ETNK2: variants seen among roughly 807,000 people sequenced by gnomAD.
ETNK2 encodes ethanolamine kinase 2.
ETNK2 carries 33 observed loss-of-function variants against 46.2 expected under a neutral mutation model. That is an observed-to-expected ratio of 0.71 (90% CI 0.54 to 0.96). ETNK2 has a LOEUF of 0.96. Ranked by LOEUF, ETNK2 falls within the 40% of genes least tolerant of loss-of-function variation. ETNK2 has a pLI of 0.00. For synonymous variants in ETNK2, 194 were observed against 209.0 expected (o/e 0.93, Z 0.62); for missense variants, 445 against 509.7 (o/e 0.87, Z 1.22).
intron 7 of ETNK2, 66 bp from the exon 8 acceptor site, chr1:204,132,322 T>G: frequency 7.6e-7 from 1 of 1,315,450 alleles, no homozygotes; most frequent in Non-Finnish European, 1.1e-6. Context: ...CTGGGGGTGC[T>G]GACATCATGA....
chr1:204,134,797 G>A (rs1199404462), intron 6 of ETNK2: 10 of 1,157,278 alleles, frequency 8.6e-6, no homozygotes, highest in Admixed American at 2.3e-5. Context: ...AGAGAAAGGT[G>A]GGCAGAGCTA....
In ETNK2 at chr1:204,132,036, T is replaced by A. The variant is rs1433507350; in HGVS notation, c.*148A>T. On this transcript the variant is annotated 3_prime_UTR_variant, in exon 8 of 8. Transcript: ENST00000367202. The stretch of plus-strand genomic sequence containing the variant: ...AGGTCTTCAGTGGCAACCACTGGGG[T>A]CTGGCGGCAGGGACAGAGCCTTCTC... The A allele has an allele frequency of 4.3e-6, 3 of 690,796 alleles. No homozygotes were observed. The highest frequency in any genetic ancestry group is 1.8e-5 in the African/African-American group (1 of 56,582). 42.8% of individuals were successfully genotyped at this position (690,796 alleles called of 1,614,324 possible). A position where few individuals can be genotyped will look rare whatever the true frequency, so the allele number is the denominator to read the frequency against.
In ETNK2 at chr1:204,149,850, C is replaced by G. The variant is rs201400955; in HGVS notation, c.371G>C (p.Arg124Pro). The change falls in exon 2 of 8, where the codon CGG becomes CCG. Residue 124 changes from arginine (R) to proline (P), a missense_variant. By Grantham distance (103) the Arg-to-Pro change is moderately radical. Coordinates refer to ENST00000367202, the MANE Select transcript of ETNK2 (RefSeq NM_018208.4). ...YGERTELLVD[R>P]ENEVRNFQLL... The stretch of plus-strand genomic sequence containing the variant: ...CTGGAAGTTTCTGACCTCATTCTCC[C>G]GGTCCACCAGCAGCTCCGTCCGCTC... The G allele has an allele frequency of 3.7e-6, 6 of 1,602,522 alleles. No homozygotes were observed. The highest frequency in any genetic ancestry group is 4.3e-6 in the Non-Finnish European group (5 of 1,174,808).
At chr1:204,133,618 G>A (rs1043244451) in intron 7 of ETNK2, among the ~76,000 whole-genome samples, 2 of 150,408 alleles carry the variant, frequency 1.3e-5, no homozygotes, top group Non-Finnish European at 3.0e-5. Flanking sequence ...TGCAAGCTCC[G>A]CCTCCCGGGT....
At chr1:204,145,043 G>A (rs958152775) in intron 3 of ETNK2, among the ~76,000 whole-genome samples, 10 of 152,194 alleles carry the variant, frequency 6.6e-5, no homozygotes, top group African/African-American at 1.9e-4. Flanking sequence ...GTGAAATGAA[G>A]GATTGAATAA....
chr1:204,134,805 C>A, intron 6 of ETNK2: 1 of 1,066,580 alleles, frequency 9.4e-7, no homozygotes, highest in East Asian at 2.4e-5. Flanking sequence ...GTGGGCAGAG[C>A]TAGTTCTACC....
At position 204,132,260 on chromosome 1, in the gene ETNK2, T is replaced by C. The variant is rs368358737; in HGVS notation, c.1089-4A>G. The C allele has an allele frequency of 5.0e-5, 79 of 1,565,936 alleles. No homozygotes were observed. The African/African-American group carries it at 8.8e-4, about 17-fold the overall frequency. The stretch of plus-strand genomic sequence containing the variant: ...GTTGAATCGGATCACTGCGTACCTG[T>C]GGGGAAGACAGAAGGAAGCTGGGTG... On this transcript the variant is annotated splice_region_variant and splice_polypyrimidine_tract_variant and intron_variant, in intron 7 of 7. Coordinates refer to ENST00000367202, the MANE Select transcript of ETNK2 (RefSeq NM_018208.4).
intron 3 of ETNK2, among the ~76,000 whole-genome samples, chr1:204,145,093 A>C (rs1303678202): frequency 6.6e-6 from 1 of 152,212 alleles, no homozygotes; most frequent in Non-Finnish European, 1.5e-5. Context: ...CCAGGTGCTT[A>C]TCTCGTCTAA....
At chr1:204,132,607 A>G (rs1328970304) in intron 7 of ETNK2, among the ~76,000 whole-genome samples, 1 of 151,888 alleles carries the variant, frequency 6.6e-6, no homozygotes, top group African/African-American at 2.4e-5. Flanking sequence ...TAATATTTGT[A>G]TTTTTTGTAG....
In ETNK2 at chr1:204,131,065, G is replaced by A. The variant is rs1009177974; in HGVS notation, c.*1119C>T. 4.6e-5 allele frequency: 7 copies of A among 152,798 alleles called. No individual in the cohort carries two copies. The highest frequency in any genetic ancestry group is 1.9e-4 in the East Asian group (1 of 5,176). The allele number at this position is 152,798 out of a possible 1,614,324, so 9.5% of individuals were successfully genotyped here. On this transcript the variant is annotated 3_prime_UTR_variant, in exon 8 of 8. Coordinates refer to ENST00000367202, the MANE Select transcript of ETNK2 (RefSeq NM_018208.4). The surrounding 1 kb of genome is among the most constrained non-coding windows in gnomAD (Gnocchi z 4.3). ...ATTGTCACTCAAGACACAGCAGTCC[G>A]GAAATGAGCATTTTAATGCAGAAAG...
At position 204,149,808 on chromosome 1, in the gene ETNK2, C is replaced by G. The variant is rs965844176; in HGVS notation, c.413G>C (p.Ser138Thr). The G allele has an allele frequency of 1.2e-6, 2 of 1,607,658 alleles. No individual in the cohort carries two copies. The highest frequency in any genetic ancestry group is 1.7e-6 in the Non-Finnish European group (2 of 1,177,262). The change falls in exon 2 of 8, where the codon AGC (serine) becomes ACC (threonine). Residue 138 changes from serine to threonine, a missense_variant. Ser to Thr is a moderately conservative substitution (Grantham distance 58). Transcript: ENST00000367202. ...VRNFQLLRAH[S>T]CAPKLYCTFQ... is the part of the protein sequence containing the mutation. Reference sequence around the variant, plus strand: ...GGTGCAGTAGAGTTTGGGGGCACAGCTGTGTGCTCGCAGCAGCTGGAAGTT... The same window carrying G: ...GGTGCAGTAGAGTTTGGGGGCACAGGTGTGTGCTCGCAGCAGCTGGAAGTT...
intron 6 of ETNK2, among the ~76,000 whole-genome samples, chr1:204,135,570 C>A (rs1657250054): frequency 6.6e-6 from 1 of 152,224 alleles, no homozygotes; most frequent in African/African-American, 2.4e-5. Flanking sequence ...TCCCAGAATC[C>A]TCCTCACTCA....
rs1448048015 is a variant in ETNK2, at chr1:204,137,165, C to T, written c.953G>A (p.Gly318Glu). The T allele has an allele frequency of 6.2e-7, 1 of 1,613,992 alleles. No individual in the cohort carries two copies. The highest frequency in any genetic ancestry group is 2.2e-5 in the East Asian group (1 of 44,878). Residue 318 changes from glycine (G) to glutamate (E), a missense_variant, in exon 6 of 8, where the codon GGG becomes GAG. Transcript: ENST00000367202. ...CACCTCCCTGGGGGTCACGGCCATCCCCTTTTGTGCCTGCAGGTAGTAGTG... is the reference window on the plus strand; with the variant it reads ...CACCTCCCTGGGGGTCACGGCCATCTCCTTTTGTGCCTGCAGGTAGTAGTG... ...WLHYYLQAQK[G>E]MAVTPREVQR... is the part of the protein sequence containing the mutation.
At chr1:204,148,609 CACT>C (rs1657885807) in intron 2 of ETNK2, among the ~76,000 whole-genome samples, 1 of 144,616 alleles carries the variant, frequency 6.9e-6, no homozygotes, top group Non-Finnish European at 1.5e-5. Context: ...CACACACACA[CACT>C]GCTACAATAC....
At position 204,151,339 on chromosome 1, in the gene ETNK2, C is replaced by G. The variant is rs1657997493; in HGVS notation, c.258+256G>C. On this transcript the variant is annotated intron_variant, in intron 1 of 7. Transcript: ENST00000367202. The surrounding 1 kb of genome is among the most constrained non-coding windows in gnomAD (Gnocchi z 8.0). ...GGTGCGGCCCGCACACGCAGCATGC[C>G]GACAGTGGGCAGGTGGCCACCAGGC... 2 of 567,618 alleles carry G rather than the reference C, an allele frequency of 3.5e-6. No individual in the cohort carries two copies. Among genetic ancestry groups the G allele is most frequent in the Non-Finnish European group, 6.1e-6 (2 of 329,040 alleles). 35.2% of individuals were successfully genotyped at this position (567,618 alleles called of 1,614,324 possible).
At chr1:204,139,984 T>A in intron 5 of ETNK2, 51 bp downstream of exon 5, 1 of 1,458,156 alleles carries the variant, frequency 6.9e-7, no homozygotes, top group Non-Finnish European at 9.6e-7. Context: ...CGGTCAGTCA[T>A]TGACTGAAAC....
At position 204,140,059 on chromosome 1, in the gene ETNK2, C is replaced by A; in HGVS notation, c.844G>T (p.Gly282Cys). The A allele has an allele frequency of 6.2e-7, 1 of 1,613,878 alleles. No individual in the cohort carries two copies. Among genetic ancestry groups the A allele is most frequent in the Non-Finnish European group, 8.5e-7 (1 of 1,179,854 alleles). The change falls in exon 5 of 8, where the codon GGC becomes TGC. Residue 282 changes from glycine (G) to cysteine (C), a missense_variant. Physicochemically the swap from Gly to Cys is radical, Grantham distance 159. Coordinates refer to ENST00000367202, the MANE Select transcript of ETNK2 (RefSeq NM_018208.4). ...AGYNYQAFDIGNHFNEFAGVN... is the reference protein window; with the variant it reads ...AGYNYQAFDICNHFNEFAGVN... ...CCTGCAAACTCATTGAAATGGTTGC[C>A]AATGTCAAAAGCTTGGTAGTTGTAG...
chr1:204,133,481 CTTTT>C lies in ETNK2; in HGVS notation c.1088+1030_1088+1033del, dbSNP rs55983645. 6.9e-3 allele frequency among the ~76,000 whole-genome samples: 986 copies of C among 143,888 alleles called. 10 individuals carry two copies. The highest frequency in any genetic ancestry group is 0.022 in the African/African-American group (854 of 39,020). 94.4% of individuals were successfully genotyped at this position (143,888 alleles called of 152,430 possible). A position where few individuals can be genotyped will look rare whatever the true frequency, so the allele number is the denominator to read the frequency against. ...TGAAGCGACATCTCACCATGCTTTG[CTTTT>C]TTTTTTAATTAAATTTTATTTTTTT... On this transcript the variant is annotated intron_variant, in intron 7 of 7. Coordinates refer to ENST00000367202, the MANE Select transcript of ETNK2 (RefSeq NM_018208.4).
chr1:204,151,750 C>A lies in ETNK2; in HGVS notation c.103G>T (p.Ala35Ser). The change falls in exon 1 of 8, where the codon GCC becomes TCC. Residue 35 changes from alanine (A) to serine (S), a missense_variant. Ala to Ser is a moderately conservative substitution (Grantham distance 99). Coordinates refer to ENST00000367202, the MANE Select transcript of ETNK2 (RefSeq NM_018208.4). This position sits in a 1 kb window ranked among gnomAD's most constrained non-coding sequence, Gnocchi z 8.0. ...GGCGGCTCCCGGCAGCTGGCGCTGG[C>A]CGCCGCCTTCTCCTCCATGCCCCAT... ...CSWGMEEKAA[A>S]SASCREPPGP... is the part of the protein sequence containing the mutation. 1 of 1,527,250 alleles carries A rather than the reference C, an allele frequency of 6.5e-7. No homozygotes were observed. The highest frequency in any genetic ancestry group is 1.4e-5 in the African/African-American group (1 of 71,710). 94.6% of individuals were successfully genotyped at this position (1,527,250 alleles called of 1,614,324 possible). A position where few individuals can be genotyped will look rare whatever the true frequency, so the allele number is the denominator to read the frequency against.
Sources: gnomAD v4.1 joint callset for allele counts (sites outside exome capture counted in the v4.1 genomes callset) on GRCh38, gnomAD v4.1.1 for gene constraint, Gnocchi (gnomAD v3.1) non-coding constraint, MANE v1.5 for transcripts, NCBI Gene and HGNC (gene_info 2026-07-23, HGNC 2026-07-21) for gene names.